ARHGAP22: variants seen among roughly 807,000 people sequenced by gnomAD.
ARHGAP22 encodes rho GTPase-activating protein 22.
In ARHGAP22, 48 loss-of-function variants were observed where a neutral mutation model predicts 59.1. The ratio of observed to expected loss-of-function variants is 0.81; its 90% CI spans 0.64 to 1.03. The LOEUF (loss-of-function observed/expected upper bound fraction) is 1.03, where lower values mean the gene tolerates loss of function less well. ARHGAP22 is among the 50% of genes least tolerant of loss of function. The pLI is 0.00. For synonymous variants in ARHGAP22, 445 were observed against 416.4 expected, an observed-to-expected ratio of 1.07 and a Z score of -0.84; for missense variants, 1,015 against 958.7, an observed-to-expected ratio of 1.06 and a Z score of -0.78.
chr10:48,515,737 T>A (rs2053223410), intron 3 of ARHGAP22, among the ~76,000 whole-genome samples: 1 of 152,220 alleles, frequency 6.6e-6, no homozygotes, highest in Non-Finnish European at 1.5e-5. Flanking sequence ...ATTCACTGAC[T>A]ACCAAGGAAT....
chr10:48,570,451 C>T (rs770811090), intron 2 of ARHGAP22, among the ~76,000 whole-genome samples: 6 of 152,318 alleles, frequency 3.9e-5, no homozygotes, highest in South Asian at 2.1e-4. Flanking sequence ...TGCTCTCTAA[C>T]GTGCTGCAGA....
At chr10:48,544,927 A>T (rs533388868) in intron 3 of ARHGAP22, among the ~76,000 whole-genome samples, 3 of 152,360 alleles carry the variant, frequency 2.0e-5, no homozygotes, top group African/African-American at 7.2e-5. Flanking sequence ...ATATATATCA[A>T]GTACTTCCAG....
At chr10:48,493,993 T>C (rs1032521923) in intron 3 of ARHGAP22, among the ~76,000 whole-genome samples, 3 of 152,246 alleles carry the variant, frequency 2.0e-5, no homozygotes, top group Non-Finnish European at 2.9e-5. Context: ...GGTCTTGAGA[T>C]AGTTACTTAA....
At position 48,450,978 on chromosome 10, in the gene ARHGAP22, C is replaced by T. The variant is rs1020254770; in HGVS notation, c.1151G>A (p.Gly384Asp). ...CCTGTGCGCGGGCAGGCCGGGGCCGCCGGGCTCTCCTTGGCTGTCCCTGGT... is the reference window on the plus strand; with the variant it reads ...CCTGTGCGCGGGCAGGCCGGGGCCGTCGGGCTCTCCTTGGCTGTCCCTGGT... ...EVTRDSQGEP[G>D]GPGLPAHRTS... is the part of the protein sequence containing the mutation. Residue 384 changes from glycine to aspartate, a missense_variant, in exon 9 of 10, where the codon GGC becomes GAC. Gly to Asp is a moderately conservative substitution (Grantham distance 94, BLOSUM62 -1). Coordinates refer to ENST00000249601, the MANE Select transcript of ARHGAP22 (RefSeq NM_021226.4). 1 of 1,564,108 alleles carries T rather than the reference C, an allele frequency of 6.4e-7. No homozygotes were observed. Among genetic ancestry groups the T allele is most frequent in the East Asian group, 2.4e-5 (1 of 41,708 alleles).
At chr10:48,592,036 T>C (rs1405157456) in intron 1 of ARHGAP22, among the ~76,000 whole-genome samples, 1 of 152,168 alleles carries the variant, frequency 6.6e-6, no homozygotes, top group African/African-American at 2.4e-5. Context: ...TGAGTGCCCG[T>C]TAGTAAGAAA....
chr10:48,569,215 G>A (rs1423466085), intron 2 of ARHGAP22, among the ~76,000 whole-genome samples: 1 of 152,244 alleles, frequency 6.6e-6, no homozygotes, highest in Non-Finnish European at 1.5e-5. Context: ...ACATGGTATA[G>A]ACACTTTTGC....
At chr10:48,454,908 G>A (rs1397883565) in intron 6 of ARHGAP22, 94 bp downstream of exon 6, 2 of 1,396,036 alleles carry the variant, frequency 1.4e-6, no homozygotes, top group Non-Finnish European at 1.9e-6. Flanking sequence ...CATGTGCCAT[G>A]AAAATTCATG....
chr10:48,510,817 T>C (rs1419632082), intron 3 of ARHGAP22: 1 of 152,252 alleles, frequency 6.6e-6, no homozygotes, highest in Non-Finnish European at 1.5e-5. Context: ...TGACATGCTG[T>C]GTGGCCTTAG....
intron 2 of ARHGAP22, among the ~76,000 whole-genome samples, chr10:48,574,076 C>A (rs376533292): frequency 1.3e-5 from 2 of 152,180 alleles, no homozygotes; most frequent in African/African-American, 4.8e-5. Flanking sequence ...TAGACAAAAA[C>A]CTCACCTTGT....
chr10:48,571,079 CT>C (rs1409180581), intron 2 of ARHGAP22, among the ~76,000 whole-genome samples: 6 of 152,130 alleles, frequency 3.9e-5, no homozygotes, highest in Non-Finnish European at 7.4e-5. Flanking sequence ...CTCGGATGAA[CT>C]TTTGACTTTT....
chr10:48,540,732 T>C (rs1256473791), intron 3 of ARHGAP22, among the ~76,000 whole-genome samples: 1 of 152,126 alleles, frequency 6.6e-6, no homozygotes, highest in African/African-American at 2.4e-5. Flanking sequence ...CTCCATTTCT[T>C]GTTATTGTTG....
intron 3 of ARHGAP22, among the ~76,000 whole-genome samples, chr10:48,503,026 G>A (rs904210492): frequency 8.5e-5 from 13 of 152,238 alleles, no homozygotes; most frequent in Non-Finnish European, 1.6e-4. Context: ...CTGGCTCTGA[G>A]GCTGATTGGA....
chr10:48,589,681 T>C (rs2059636810), intron 1 of ARHGAP22, among the ~76,000 whole-genome samples: 1 of 152,196 alleles, frequency 6.6e-6, no homozygotes, highest in Middle Eastern at 3.2e-3. Flanking sequence ...GAAGATTCTC[T>C]CAGTGCATTC....
chr10:48,450,565 C>A lies in ARHGAP22; in HGVS notation c.1564G>T (p.Val522Leu). The A allele has an allele frequency of 6.5e-7, 1 of 1,530,872 alleles. No individual in the cohort carries two copies. The highest frequency in any genetic ancestry group is 8.8e-7 in the Non-Finnish European group (1 of 1,140,024). 94.8% of individuals were successfully genotyped at this position (1,530,872 alleles called of 1,614,324 possible). The change falls in exon 9 of 10, where the codon GTG (valine) becomes TTG (leucine). Residue 522 changes from valine to leucine, a missense_variant. Transcript: ENST00000249601. The stretch of plus-strand genomic sequence containing the variant: ...GTGCAGCTGCTGAGTGAGCCCCCCA[C>A]CGACGACTCGCTGGACGAGGCCCCG... ...WSGASSSESS[V>L]GGSLSSCTAC...
intron 1 of ARHGAP22, among the ~76,000 whole-genome samples, chr10:48,651,429 C>T (rs2062557079): frequency 6.6e-6 from 1 of 151,956 alleles, no homozygotes; most frequent in South Asian, 2.1e-4. Context: ...ACCCAGCCAG[C>T]ACCTGCACAA....
chr10:48,458,800 G>A lies in ARHGAP22; in HGVS notation c.659+884C>T, dbSNP rs114137268. Reference sequence around the variant, plus strand: ...CAAAGCTCCAGAGGAAGGGTCCCCCGTACCTCCCTGGGTGGAGCACCGCTA... The same window carrying A: ...CAAAGCTCCAGAGGAAGGGTCCCCCATACCTCCCTGGGTGGAGCACCGCTA... On this transcript the variant is annotated intron_variant, in intron 5 of 9. Coordinates refer to ENST00000249601, the MANE Select transcript of ARHGAP22 (RefSeq NM_021226.4). Among the ~76,000 whole-genome samples the A allele has an allele frequency of 2.2e-3, 331 of 152,272 alleles. 1 individual carries two copies. Among genetic ancestry groups the A allele is most frequent in the African/African-American group, 7.3e-3 (304 of 41,548 alleles).
upstream of ARHGAP22, among the ~76,000 whole-genome samples, chr10:48,609,853 A>G (rs2060815066): frequency 6.6e-6 from 1 of 152,158 alleles, no homozygotes; most frequent in South Asian, 2.1e-4. Context: ...AATATCATCT[A>G]TATACGAAAC....
chr10:48,573,974 T>A (rs146374700), intron 2 of ARHGAP22, among the ~76,000 whole-genome samples: 1 of 152,238 alleles, frequency 6.6e-6, no homozygotes, highest in South Asian at 2.1e-4. Flanking sequence ...CTTGTGGAGA[T>A]GCTGTGTGAA....
intron 4 of ARHGAP22, among the ~76,000 whole-genome samples, chr10:48,463,135 C>T (rs994655535): frequency 6.6e-5 from 10 of 152,152 alleles, no homozygotes; most frequent in African/African-American, 2.4e-4. Flanking sequence ...GCCTGAGTTC[C>T]AAAAAAAGCA....
Sources: gnomAD v4.1 joint callset for allele counts (sites outside exome capture counted in the v4.1 genomes callset) on GRCh38, gnomAD v4.1.1 for gene constraint, MANE v1.5 for transcripts, NCBI Gene and HGNC (gene_info 2026-07-23, HGNC 2026-07-21) for gene names.